The following LRRK2 variants were observed in gnomAD, a reference collection of about 807,000 sequenced individuals.
LRRK2 encodes leucine-rich repeat serine/threonine-protein kinase 2.
Under a neutral mutation model 302.6 loss-of-function variants are expected in LRRK2, and 203 were observed. That is an observed-to-expected ratio of 0.67 (90% CI 0.60 to 0.75). The LOEUF (loss-of-function observed/expected upper bound fraction) is 0.75, where lower values mean the gene tolerates loss of function less well. Among genes scored for constraint, LRRK2 ranks in the 30% least tolerant of loss-of-function variants. The probability of loss-of-function intolerance (pLI) is 0.00; values close to 1 mark genes in which losing one functional copy is unlikely to be tolerated. For synonymous variants in LRRK2, 1,066 were observed against 1,031.9 expected, an observed-to-expected ratio of 1.03 and a Z score of -0.63; for missense variants, 2,830 against 2,951.0, an observed-to-expected ratio of 0.96 and a Z score of 0.95.
At chr12:40,278,375 C>A (rs1445581908) in intron 18 of LRRK2, 114 bp downstream of exon 18, 1 of 1,306,812 alleles carries the variant, frequency 7.7e-7, no homozygotes, top group Admixed American at 1.7e-5. Flanking sequence ...CAGAAATTTA[C>A]CAGTTTATTG....
rs750927297 is a variant in LRRK2, at chr12:40,293,502, T to C, written c.2690-43T>C. 3.2e-6 allele frequency: 4 copies of C among 1,264,662 alleles called. No homozygotes were observed. In the East Asian group the frequency reaches 9.5e-5, roughly 30 times the overall value. 78.3% of individuals were successfully genotyped at this position (1,264,662 alleles called of 1,614,324 possible). On this transcript the variant is annotated intron_variant, in intron 20 of 50. Transcript: ENST00000298910. Reference sequence around the variant, plus strand: ...AGAAGGATCTTATGATTGAGTAAGCTTTTTGTATTCACCTTCATGTTATTT... The same window carrying C: ...AGAAGGATCTTATGATTGAGTAAGCCTTTTGTATTCACCTTCATGTTATTT...
At chr12:40,352,559 T>C (rs1946387482) in intron 44 of LRRK2, among the ~76,000 whole-genome samples, 1 of 147,722 alleles carries the variant, frequency 6.8e-6, no homozygotes, top group Non-Finnish European at 1.5e-5. Flanking sequence ...GGTCAGCAGA[T>C]AAACAAGTGA....
chr12:40,320,896 T>C (rs1945382601), intron 34 of LRRK2, 138 bp from the exon 35 acceptor site: 3 of 1,064,472 alleles, frequency 2.8e-6, no homozygotes, highest in East Asian at 2.4e-5. Context: ...AGGAAAAATA[T>C]GTAGTGAAAC....
chr12:40,315,957 T>A (rs1945203463), intron 33 of LRRK2, among the ~76,000 whole-genome samples: 1 of 151,986 alleles, frequency 6.6e-6, no homozygotes, highest in Non-Finnish European at 1.5e-5. Flanking sequence ...GCCAGATAAT[T>A]CTTTGTTGCA....
In LRRK2 at chr12:40,264,580, C is replaced by G. The variant is rs527977652; in HGVS notation, c.1656+679C>G. Among the ~76,000 whole-genome samples, 3 of 152,356 alleles carry G rather than the reference C, an allele frequency of 2.0e-5. No individual in the cohort carries two copies. In the East Asian group the frequency reaches 5.8e-4, roughly 29 times the overall value. ...GTTGCAGTGAGCTGAGATCACACCA[C>G]TGCACTCCAGCTTGGGCGACAAGAG... On this transcript the variant is annotated intron_variant, in intron 14 of 50. Transcript: ENST00000298910.
chr12:40,263,745 T>C, intron 13 of LRRK2, 44 bp from the exon 14 acceptor site: 1 of 1,395,578 alleles, frequency 7.2e-7, no homozygotes, highest in Middle Eastern at 2.1e-4. Context: ...AACTCAAATG[T>C]TTATAAGAAA....
chr12:40,347,837 C>T (rs889596423), intron 42 of LRRK2, among the ~76,000 whole-genome samples: 3 of 152,054 alleles, frequency 2.0e-5, no homozygotes, highest in Non-Finnish European at 2.9e-5. Flanking sequence ...GTGGCATGTG[C>T]GTGTAGTCCC....
rs563852928 is a variant in LRRK2, at chr12:40,295,557, A to G, written c.3009A>G (p.Lys1003=). The part of the protein sequence containing the change: ...ELRDIDALSQ[K]CCISVHLEHL... ...GAGATATTGATGCCCTAAGCCAGAAATGCTGTATAAGTGTTCATTTGGAGC... is the reference window on the plus strand; with the variant it reads ...GAGATATTGATGCCCTAAGCCAGAAGTGCTGTATAAGTGTTCATTTGGAGC... Residue 1003 remains lysine, a synonymous_variant, in exon 23 of 51, where the codon AAA becomes AAG. Transcript: ENST00000298910. 6.2e-7 allele frequency: 1 copy of G among 1,614,062 alleles called. No individual in the cohort carries two copies. The highest frequency in any genetic ancestry group is 8.5e-7 in the Non-Finnish European group (1 of 1,180,006).
At chr12:40,305,224 A>C (rs1192471300) in intron 27 of LRRK2, among the ~76,000 whole-genome samples, 1 of 152,166 alleles carries the variant, frequency 6.6e-6, no homozygotes, top group Non-Finnish European at 1.5e-5. Flanking sequence ...GGTTCAGCAA[A>C]ACTGTGCATA....
chr12:40,313,882 T>C, intron 31 of LRRK2, 90 bp from the exon 32 acceptor site: 2 of 965,592 alleles, frequency 2.1e-6, no homozygotes, highest in African/African-American at 3.3e-5. Context: ...TATCTGTTTC[T>C]GTAAAAACTG....
At chr12:40,292,153 C>A (rs959756089) in intron 20 of LRRK2, among the ~76,000 whole-genome samples, 1 of 152,004 alleles carries the variant, frequency 6.6e-6, no homozygotes, top group African/African-American at 2.4e-5. Flanking sequence ...AGCCATGAGA[C>A]TGTTTAAATT....
chr12:40,280,105 C>T (rs796772908), intron 18 of LRRK2, among the ~76,000 whole-genome samples: 5 of 152,098 alleles, frequency 3.3e-5, no homozygotes, highest in African/African-American at 9.7e-5. Flanking sequence ...ATAAAAACCT[C>T]AAGGTAAAAC....
At chr12:40,298,839 T>TATATATATATATATATAATATATGTA (rs1491198438) in intron 24 of LRRK2, among the ~76,000 whole-genome samples, 6 of 101,098 alleles carry the variant, frequency 5.9e-5, no homozygotes. Flanking sequence ...ATTATATATA[T>TATATATATATATATATAATATATGTA]TTATTATATA....
rs367827614 is a variant in LRRK2 at position 40,288,459 on chromosome 12, C to T, written c.2689+920C>T. Among the ~76,000 whole-genome samples the T allele has an allele frequency of 2.0e-5, 3 of 151,870 alleles. No homozygotes were observed. The South Asian group carries it at 6.2e-4, about 31-fold the overall frequency. On this transcript the variant is annotated intron_variant, in intron 20 of 50. Transcript: ENST00000298910. The stretch of plus-strand genomic sequence containing the variant: ...CCCTTAGCAATCATTTGCTTCCTGA[C>T]AATGTAGATTAATGTTTTCTCTAGT...
Position 40,263,868 on chromosome 12 carries a change from T to G in LRRK2, c.1623T>G (p.Asp541Glu). The G allele has an allele frequency of 6.2e-7, 1 of 1,612,846 alleles. No homozygotes were observed. Among genetic ancestry groups the G allele is most frequent in the Non-Finnish European group, 8.5e-7 (1 of 1,179,170 alleles). The change falls in exon 14 of 51, where the codon GAT becomes GAG. Residue 541 changes from aspartate to glutamate, a missense_variant. Transcript: ENST00000298910. ...TTAAAAAACAGTGTTTCAAGAATGA[T>G]ATTCACAAACTGGTCCTAGCAGCTT... ...NMVKKQCFKN[D>E]IHKLVLAALN...
At position 40,274,913 on chromosome 12, in the gene LRRK2, A is replaced by G; in HGVS notation, c.1861A>G (p.Ile621Val). ...GYLITKKNVF[I>V]GTGHLLAKIL... ...CTTGATTACAAAGAAGAATGTGTTC[A>G]TAGGAACTGGACATCTGCTGGCAAA... is the stretch of plus-strand genomic sequence containing the variant. The change falls in exon 16 of 51, where the codon ATA becomes GTA. Residue 621 changes from isoleucine to valine, a missense_variant. Transcript: ENST00000298910. 1.2e-6 allele frequency: 2 copies of G among 1,613,666 alleles called. No homozygotes were observed. The highest frequency in any genetic ancestry group is 8.5e-7 in the Non-Finnish European group (1 of 1,179,674).
intron 6 of LRRK2, among the ~76,000 whole-genome samples, chr12:40,241,099 C>T (rs1227928628): frequency 6.6e-6 from 1 of 152,228 alleles, no homozygotes; most frequent in African/African-American, 2.4e-5. Context: ...GAGCAGACTG[C>T]CTTCAAGAAG....
chr12:40,323,021 A>G (rs1280899011), intron 37 of LRRK2, 139 bp from the exon 38 acceptor site: 15 of 715,400 alleles, frequency 2.1e-5, no homozygotes, highest in South Asian at 1.5e-4. Flanking sequence ...CAAATTTCCT[A>G]GAGAAATATA....
Position 40,364,922 on chromosome 12 carries a change from A to G in LRRK2, c.7262A>G (p.Lys2421Arg). The change falls in exon 49 of 51, where the codon AAG becomes AGG. Residue 2421 changes from lysine (K) to arginine (R), a missense_variant. By Grantham distance (26) the Lys-to-Arg change is conservative. Around this residue, in one of 3 missense-constraint regions of LRRK2, gnomAD observed 456 missense variants for 456.3 expected, o/e 1.00. Transcript: ENST00000298910. ...AGAGTGAAAACCCTCTGCCTTCAGAAGAACACTGCTCTTTGGATAGGAACT... is the reference window on the plus strand; with the variant it reads ...AGAGTGAAAACCCTCTGCCTTCAGAGGAACACTGCTCTTTGGATAGGAACT... ...SGRVKTLCLQ[K>R]NTALWIGTGG... 1 of 1,612,658 alleles carries G rather than the reference A, an allele frequency of 6.2e-7. No individual in the cohort carries two copies. Among genetic ancestry groups the G allele is most frequent in the Non-Finnish European group, 8.5e-7 (1 of 1,179,126 alleles).
Sources: gnomAD v4.1 joint callset for allele counts (sites outside exome capture counted in the v4.1 genomes callset) on GRCh38, gnomAD v4.1.1 for gene constraint, gnomAD v4.1.1 regional missense constraint, MANE v1.5 for transcripts, NCBI Gene and HGNC (gene_info 2026-07-23, HGNC 2026-07-21) for gene names.